PHACTR3: variants seen among roughly 807,000 people sequenced by gnomAD.
PHACTR3 encodes protein phosphatase 1, regulatory subunit 123.
A neutral mutation model predicts 66.8 loss-of-function variants in PHACTR3; 16 were observed. The observed-to-expected ratio is 0.24, with a 90% CI of 0.16 to 0.36. The LOEUF is 0.36. Ranked by LOEUF, PHACTR3 falls within the 10% of genes least tolerant of loss-of-function variation. PHACTR3 has a pLI of 1.00. For missense variants in PHACTR3, 647 were observed against 719.9 expected, an observed-to-expected ratio of 0.90 and a Z score of 1.16; for synonymous variants, 323 against 292.1, an observed-to-expected ratio of 1.11 and a Z score of -1.08.
chr20:59,786,747 C>T (rs1428699141), intron 7 of PHACTR3, among the ~76,000 whole-genome samples: 5 of 151,840 alleles, frequency 3.3e-5, no homozygotes, highest in Non-Finnish European at 7.4e-5. Context: ...GGAGCTCTTT[C>T]TGTGCAGTTG....
chr20:59,744,378 C>A (rs2039288529), intron 2 of PHACTR3, among the ~76,000 whole-genome samples: 1 of 152,250 alleles, frequency 6.6e-6, no homozygotes, highest in African/African-American at 2.4e-5. Context: ...AGGGCCCCGC[C>A]TCCAGCCACA....
chr20:59,769,093 C>G (rs533492484), intron 5 of PHACTR3, among the ~76,000 whole-genome samples: 24 of 152,360 alleles, frequency 1.6e-4, no homozygotes, highest in African/African-American at 5.8e-4. Context: ...TCCTGCTTTG[C>G]CTGGTCAGTA....
At chr20:59,774,740 T>C (rs779265762) in intron 7 of PHACTR3, among the ~76,000 whole-genome samples, 4 of 151,772 alleles carry the variant, frequency 2.6e-5, no homozygotes, top group Non-Finnish European at 5.9e-5. Context: ...AGTTGCATAT[T>C]AGTTTTCATG....
chr20:59,825,297 G>A (rs2042155503), intron 8 of PHACTR3, among the ~76,000 whole-genome samples: 1 of 152,230 alleles, frequency 6.6e-6, no homozygotes, highest in Non-Finnish European at 1.5e-5. Context: ...CCTTGTTGCT[G>A]TCAAAACCAG....
chr20:59,751,092 G>C (rs181764942), intron 3 of PHACTR3, among the ~76,000 whole-genome samples: 17 of 152,342 alleles, frequency 1.1e-4, no homozygotes, highest in African/African-American at 4.1e-4. Context: ...CAGGCTTGAG[G>C]GCTGTTGCTC....
chr20:59,821,781 G>A (rs2042033228), intron 8 of PHACTR3, among the ~76,000 whole-genome samples: 1 of 152,170 alleles, frequency 6.6e-6, no homozygotes, highest in South Asian at 2.1e-4. Context: ...AGGAGTGCAT[G>A]TGGATCCCTA....
intron 1 of PHACTR3, among the ~76,000 whole-genome samples, chr20:59,662,610 C>T (rs188516515): frequency 6.6e-5 from 10 of 152,134 alleles, no homozygotes; most frequent in South Asian, 2.1e-4. Flanking sequence ...ATCCTTAAAA[C>T]GAAAGGGAAG....
At chr20:59,632,136 G>C (rs1306697645) in intron 1 of PHACTR3, among the ~76,000 whole-genome samples, 2 of 152,178 alleles carry the variant, frequency 1.3e-5, no homozygotes, top group Non-Finnish European at 2.9e-5. Context: ...AGGCCATGAT[G>C]AGCCATGGCA....
intron 1 of PHACTR3, among the ~76,000 whole-genome samples, chr20:59,617,198 C>G (rs902099112): frequency 6.6e-6 from 1 of 152,030 alleles, no homozygotes; most frequent in Non-Finnish European, 1.5e-5. Flanking sequence ...CTCTTGGGTA[C>G]GTGATAGTGA....
chr20:59,659,073 GT>G (rs2035724492), intron 1 of PHACTR3, among the ~76,000 whole-genome samples: 1 of 150,992 alleles, frequency 6.6e-6, no homozygotes, highest in African/African-American at 2.4e-5. Flanking sequence ...TTTCCATGTG[GT>G]TCATTTTAAA....
At chr20:59,655,541 T>C (rs2035590823) in intron 1 of PHACTR3, among the ~76,000 whole-genome samples, 1 of 151,974 alleles carries the variant, frequency 6.6e-6, no homozygotes, top group Admixed American at 6.5e-5. Context: ...GTCTTCTCTC[T>C]CTCTTCTTTA....
At chr20:59,808,357 CA>C (rs2041631180) in intron 8 of PHACTR3, among the ~76,000 whole-genome samples, 2 of 152,222 alleles carry the variant, frequency 1.3e-5, no homozygotes, top group Non-Finnish European at 2.9e-5. Flanking sequence ...CCCCTTTCAC[CA>C]GGCCAGATGG....
At chr20:59,626,225 G>A (rs1462228265) in intron 1 of PHACTR3, among the ~76,000 whole-genome samples, 3 of 152,190 alleles carry the variant, frequency 2.0e-5, no homozygotes, top group Non-Finnish European at 4.4e-5. Context: ...GCTATATATG[G>A]CAGGTTGCAG....
At chr20:59,771,757 A>G (rs1041365038) in intron 5 of PHACTR3, among the ~76,000 whole-genome samples, 17 of 152,386 alleles carry the variant, frequency 1.1e-4, no homozygotes, top group African/African-American at 4.1e-4. Context: ...GTGGCCAAGC[A>G]GGTGCTTGTA....
chr20:59,813,337 G>A, intron 8 of PHACTR3, among the ~76,000 whole-genome samples: 1 of 152,224 alleles, frequency 6.6e-6, no homozygotes, highest in East Asian at 1.9e-4. Flanking sequence ...AGGCTGCAAA[G>A]TTTGCCTTCT....
intron 1 of PHACTR3, among the ~76,000 whole-genome samples, chr20:59,710,530 A>G (rs1249252302): frequency 6.6e-6 from 1 of 152,122 alleles, no homozygotes; most frequent in Non-Finnish European, 1.5e-5. Context: ...ACACACTTTC[A>G]AATTTCCCAC....
intron 1 of PHACTR3, among the ~76,000 whole-genome samples, chr20:59,701,853 C>T (rs1055477451): frequency 1.3e-5 from 2 of 152,210 alleles, no homozygotes; most frequent in Non-Finnish European, 2.9e-5. Context: ...CACCGACCCC[C>T]CAATCCCCTG....
intron 1 of PHACTR3, among the ~76,000 whole-genome samples, chr20:59,674,471 C>A (rs1276706153): frequency 3.6e-5 from 5 of 138,472 alleles, no homozygotes; most frequent in African/African-American, 1.4e-4. Context: ...CTCTCTTCTC[C>A]TGTTCCCCCT....
At chr20:59,789,307 G>A (rs72629006) in intron 7 of PHACTR3, among the ~76,000 whole-genome samples, 9,107 of 152,274 alleles carry the variant, frequency 0.06, 716 homozygotes, top group East Asian at 0.37. Context: ...AAGGAGCTAT[G>A]TAACGGGTTC....
Sources: allele counts gnomAD v4.1 joint callset (sites outside exome capture counted in the v4.1 genomes callset), GRCh38; gene constraint gnomAD v4.1.1; transcripts MANE v1.5; gene names NCBI Gene and HGNC (gene_info 2026-07-23, HGNC 2026-07-21).